MLIP: variants seen among roughly 807,000 people sequenced by gnomAD.
MLIP encodes the protein muscular LMNA-interacting protein.
Under a neutral mutation model 84.8 loss-of-function variants are expected in MLIP, and 79 were observed. The ratio of observed to expected loss-of-function variants is 0.93; its 90% confidence interval spans 0.78 to 1.12. The LOEUF (loss-of-function observed/expected upper bound fraction) is 1.12. Ranked by LOEUF, MLIP falls within the 50% of genes most tolerant of loss-of-function variation. The probability of loss-of-function intolerance (pLI) is 0.00; values close to 1 mark genes in which losing one functional copy is unlikely to be tolerated. For missense variants in MLIP, 1,257 were observed against 1,160.6 expected (o/e 1.08, Z -1.21); for synonymous variants, 504 against 463.0 (o/e 1.09, Z -1.14).
intron 9 of MLIP, among the ~76,000 whole-genome samples, chr6:54,177,064 A>G (rs1035451820): frequency 2.6e-5 from 4 of 152,216 alleles, no homozygotes; most frequent in Non-Finnish European, 4.4e-5. Flanking sequence ...AGATGAATTA[A>G]AGACTTAAAT....
In MLIP at chr6:54,216,247, A is replaced by G. The variant is rs573746455; in HGVS notation, c.2718+14014A>G. 43 of 985,362 alleles carry G rather than the reference A, an allele frequency of 4.4e-5. No homozygotes were observed. The East Asian group carries it at 4.0e-3, about 91-fold the overall frequency. The allele number at this position is 985,362 out of a possible 1,614,324, so 61.0% of individuals were successfully genotyped here. On this transcript the variant is annotated intron_variant, in intron 11 of 13. Transcript: ENST00000502396. ...TTTCCTGCTAAAGGGTCAACTGAAT[A>G]TATTGTCTTCTTTCTCTCTTCCATT...
intron 1 of MLIP, among the ~76,000 whole-genome samples, chr6:54,022,644 A>G (rs1381241622): frequency 1.3e-5 from 2 of 152,094 alleles, no homozygotes; most frequent in Non-Finnish European, 2.9e-5. Context: ...AGTATTACTT[A>G]TATTTACCTT....
chr6:54,182,379 A>G (rs2792634), intron 9 of MLIP, among the ~76,000 whole-genome samples: 129,270 of 152,124 alleles, frequency 0.85, 55,978 homozygotes, highest in Non-Finnish European at 0.94. Flanking sequence ...CATGGTCACT[A>G]CTGGGGAGTA....
At chr6:54,265,287 G>A (rs539003289) in intron 13 of MLIP, among the ~76,000 whole-genome samples, 1 of 152,138 alleles carries the variant, frequency 6.6e-6, no homozygotes, top group African/African-American at 2.4e-5. Context: ...TGCCTTCACA[G>A]TTGCCAATAG....
chr6:54,123,576 G>A (rs1442986449), intron 2 of MLIP, among the ~76,000 whole-genome samples: 1 of 151,964 alleles, frequency 6.6e-6, no homozygotes, highest in Non-Finnish European at 1.5e-5. Flanking sequence ...TACAATACAT[G>A]CACACACAGT....
At chr6:54,080,557 A>G (rs1193412313) in intron 1 of MLIP, among the ~76,000 whole-genome samples, 1 of 151,902 alleles carries the variant, frequency 6.6e-6, no homozygotes, top group Non-Finnish European at 1.5e-5. Context: ...ATCATATTCA[A>G]TATTATACAG....
intron 1 of MLIP, among the ~76,000 whole-genome samples, chr6:54,098,330 C>CTTTTTTTTTTT (rs11418224): frequency 8.6e-6 from 1 of 116,284 alleles, no homozygotes. Flanking sequence ...TTTTTAATTT[C>CTTTTTTTTTTT]TTTTTTTTTT....
intron 11 of MLIP, among the ~76,000 whole-genome samples, chr6:54,218,297 G>A (rs530537900): frequency 2.4e-4 from 37 of 152,294 alleles, no homozygotes; most frequent in African/African-American, 8.4e-4. Context: ...GGAAGCAATT[G>A]TAACACAATG....
At chr6:54,231,489 C>A (rs1015564699) in intron 12 of MLIP, among the ~76,000 whole-genome samples, 2 of 151,718 alleles carry the variant, frequency 1.3e-5, no homozygotes, top group African/African-American at 4.8e-5. Flanking sequence ...GTGTGTCTGT[C>A]TGTCTGAGTG....
At chr6:54,059,732 G>A (rs896943380) in intron 1 of MLIP, among the ~76,000 whole-genome samples, 8 of 151,992 alleles carry the variant, frequency 5.3e-5, no homozygotes, top group South Asian at 2.1e-4. Flanking sequence ...CTAAAGGTTA[G>A]AATTTTTTTT....
chr6:54,127,016 ACATACTT>A lies in MLIP; in HGVS notation c.645+2157_645+2163del, dbSNP rs377660262. ...AGCTCTCCTGAACAATCACCAAAGT[ACATACTT>A]CATACCTTCCCATCTCTGAGCCCTT... On this transcript the variant is annotated intron_variant, in intron 3 of 13. Transcript: ENST00000502396. 1.0e-3 allele frequency among the ~76,000 whole-genome samples: 154 copies of A among 152,246 alleles called. No individual in the cohort carries two copies. In the Middle Eastern group the frequency reaches 0.01, roughly 10 times the overall value.
rs1024187355 is a variant in MLIP at position 54,065,065 on chromosome 6, T to C, written c.63+45974T>C. ...TTTTTAATGGAGACAATGTTGAATG[T>C]GATTCCTTGGCTCTTCATTTAGATT... On this transcript the variant is annotated intron_variant, in intron 1 of 12. Transcript: ENST00000274897. 8.0e-5 allele frequency among the ~76,000 whole-genome samples: 8 copies of C among 100,176 alleles called. 2 individuals carry two copies. The highest frequency in any genetic ancestry group is 2.0e-4 in the African/African-American group (8 of 39,286). The allele number at this position is 100,176 out of a possible 152,430, so 65.7% of individuals were successfully genotyped here.
chr6:54,128,672 A>G (rs1373647629), intron 3 of MLIP, among the ~76,000 whole-genome samples: 2 of 152,080 alleles, frequency 1.3e-5, no homozygotes, highest in Non-Finnish European at 2.9e-5. Context: ...AAGGAAAAGG[A>G]GGTCATGCAT....
intron 1 of MLIP, among the ~76,000 whole-genome samples, chr6:54,082,232 TA>T (rs1334160363): frequency 6.6e-6 from 1 of 152,220 alleles, no homozygotes; most frequent in Non-Finnish European, 1.5e-5. Flanking sequence ...TTTATTTATC[TA>T]TTCCTCTGTT....
chr6:54,187,580 A>G (rs1777517266), intron 9 of MLIP, among the ~76,000 whole-genome samples: 1 of 152,244 alleles, frequency 6.6e-6, no homozygotes, highest in Admixed American at 6.5e-5. Flanking sequence ...ACATACTAAC[A>G]TGCAGTTAAA....
Position 54,124,692 on chromosome 6 carries a change from G to C in MLIP, c.472G>C (p.Glu158Gln). ...GEDEAASRKV[E>Q]QGPPGGIGTA... ...AGATGAGGCTGCAAGCAGAAAAGTT[G>C]AACAAGGCCCCCCAGGGGGGATTGG... Residue 158 changes from glutamate (E) to glutamine (Q), a missense_variant, in exon 3 of 14, where the codon GAA becomes CAA. Transcript: ENST00000502396. 1 of 1,614,194 alleles carries C rather than the reference G, an allele frequency of 6.2e-7. No homozygotes were observed. The highest frequency in any genetic ancestry group is 8.5e-7 in the Non-Finnish European group (1 of 1,180,026).
rs145607176 is a variant in MLIP, at chr6:54,249,734, C to CACAT, written c.2923-7573_2923-7572insCATA. ...GAACACACACACACACACACACACACATATATATATATACACACACACATA... is the reference window on the plus strand; with the variant it reads ...GAACACACACACACACACACACACACACATATATATATATATACACACACACATA... On this transcript the variant is annotated intron_variant, in intron 12 of 13. Transcript: ENST00000502396. Among the ~76,000 whole-genome samples, 837 of 127,684 alleles carry CACAT rather than the reference C, an allele frequency of 6.6e-3. 10 individuals are homozygous for CACAT. Among genetic ancestry groups the CACAT allele is most frequent in the African/African-American group, 0.023 (786 of 34,506 alleles). The allele number at this position is 127,684 out of a possible 152,430, so 83.8% of individuals were successfully genotyped here.
chr6:54,227,439 T>C (rs1402342060), intron 11 of MLIP, among the ~76,000 whole-genome samples: 3 of 152,120 alleles, frequency 2.0e-5, no homozygotes, highest in Non-Finnish European at 2.9e-5. Flanking sequence ...AAGGAAATGA[T>C]AAAATAATTC....
intron 11 of MLIP, among the ~76,000 whole-genome samples, chr6:54,207,569 A>G (rs1779124415): frequency 6.6e-6 from 1 of 152,172 alleles, no homozygotes; most frequent in African/African-American, 2.4e-5. Flanking sequence ...TGTAGGAGTA[A>G]AAATCTTAAA....
Sources: allele counts gnomAD v4.1 joint callset (sites outside exome capture counted in the v4.1 genomes callset), GRCh38; gene constraint gnomAD v4.1.1; transcripts MANE v1.5; gene names NCBI Gene and HGNC (gene_info 2026-07-23, HGNC 2026-07-21).